Variants in CYP2C18 observed in about 807,000 individuals in gnomAD.
CYP2C18 encodes the protein cytochrome P450 2C18.
Under a neutral mutation model 41.3 loss-of-function variants are expected in CYP2C18, and 38 were observed. The observed-to-expected ratio is 0.92, with a 90% confidence interval of 0.71 to 1.21. CYP2C18 has a LOEUF of 1.21. Ranked by LOEUF, CYP2C18 falls within the 50% of genes most tolerant of loss-of-function variation. The probability of loss-of-function intolerance (pLI) is 0.00; values close to 1 mark genes in which losing one functional copy is unlikely to be tolerated. For synonymous variants in CYP2C18, 236 were observed against 210.0 expected, an observed-to-expected ratio of 1.12 and a Z score of -1.07; for missense variants, 635 against 591.4, an observed-to-expected ratio of 1.07 and a Z score of -0.77.
intron 7 of CYP2C18, chr10:94,728,759 G>C (rs558093556): frequency 6.0e-4 from 126 of 209,426 alleles, no homozygotes; most frequent in Admixed American, 1.6e-3. Flanking sequence ...TTTAACAAAA[G>C]TTTTATTGGA....
intron 4 of CYP2C18, among the ~76,000 whole-genome samples, chr10:94,698,851 C>A: frequency 6.6e-6 from 1 of 152,154 alleles, no homozygotes; most frequent in Non-Finnish European, 1.5e-5. Context: ...CTACAAACAC[C>A]TCTATGCAAA....
intron 5 of CYP2C18, among the ~76,000 whole-genome samples, chr10:94,708,196 C>T (rs543608862): frequency 1.3e-5 from 2 of 152,184 alleles, no homozygotes; most frequent in African/African-American, 2.4e-5. Context: ...CAGGACTGCT[C>T]GAATAATGTG....
chr10:94,725,681 A>G (rs1285319003), intron 7 of CYP2C18, among the ~76,000 whole-genome samples: 1 of 152,108 alleles, frequency 6.6e-6, no homozygotes, highest in Non-Finnish European at 1.5e-5. Context: ...TGTGTATACA[A>G]TTTGATCAAA....
intron 4 of CYP2C18, among the ~76,000 whole-genome samples, chr10:94,697,365 A>T (rs1367157838): frequency 6.6e-6 from 1 of 152,124 alleles, no homozygotes; most frequent in African/African-American, 2.4e-5. Flanking sequence ...CCAGAATTTC[A>T]TATCCAGCCA....
At chr10:94,714,852 A>G (rs1847510761) in intron 5 of CYP2C18, among the ~76,000 whole-genome samples, 1 of 151,922 alleles carries the variant, frequency 6.6e-6, no homozygotes, top group South Asian at 2.1e-4. Context: ...CTTTTATTTC[A>G]TTGAGCAGTG....
chr10:94,689,398 G>T (rs887623058), intron 3 of CYP2C18, among the ~76,000 whole-genome samples: 18 of 151,896 alleles, frequency 1.2e-4, no homozygotes, highest in Non-Finnish European at 2.4e-4. Flanking sequence ...GGGATTTTGT[G>T]GTCCTAGAAG....
chr10:94,730,437 T>A (rs542634092), intron 7 of CYP2C18, among the ~76,000 whole-genome samples: 17 of 152,204 alleles, frequency 1.1e-4, no homozygotes, highest in Non-Finnish European at 1.6e-4. Context: ...GGGTGGTTTT[T>A]CTGTTTGATA....
Position 94,733,315 on chromosome 10 carries a change from T to C in CYP2C18, c.1168T>C (p.Ser390Pro), listed in dbSNP as rs371155124. The C allele has an allele frequency of 6.2e-6, 10 of 1,612,956 alleles. No homozygotes were observed. Among genetic ancestry groups the C allele is most frequent in the Non-Finnish European group, 8.5e-6 (10 of 1,179,360 alleles). The change falls in exon 8 of 9, where the codon TCC (serine) becomes CCC (proline). Residue 390 changes from serine (S) to proline (P), a missense_variant. Ser to Pro is a moderately conservative substitution (Grantham distance 74). Coordinates refer to ENST00000285979, the MANE Select transcript of CYP2C18 (RefSeq NM_000772.3). ...LIPKGTTIIT[S>P]LTSVLHNDKE... ...TTTTCAGGGCACGACCATAATAACATCCCTGACTTCTGTGCTGCACAATGA... is the reference window on the plus strand; with the variant it reads ...TTTTCAGGGCACGACCATAATAACACCCCTGACTTCTGTGCTGCACAATGA...
chr10:94,726,404 T>C (rs1311613239), intron 7 of CYP2C18, among the ~76,000 whole-genome samples: 1 of 152,062 alleles, frequency 6.6e-6, no homozygotes, highest in African/African-American at 2.4e-5. Flanking sequence ...TGTGTCCTTA[T>C]TGTTCAACTC....
intron 5 of CYP2C18, among the ~76,000 whole-genome samples, chr10:94,712,867 A>G (rs1378450223): frequency 6.6e-6 from 1 of 152,124 alleles, no homozygotes; most frequent in Non-Finnish European, 1.5e-5. Flanking sequence ...TCTCTCTTTG[A>G]TAATAGCCAT....
chr10:94,715,545 G>A (rs1014207484), intron 5 of CYP2C18, among the ~76,000 whole-genome samples: 3 of 152,150 alleles, frequency 2.0e-5, no homozygotes, highest in South Asian at 2.1e-4. Flanking sequence ...CTTGATCATG[G>A]TAGATAAGCT....
At chr10:94,691,113 A>G (rs1846990024) in intron 3 of CYP2C18, among the ~76,000 whole-genome samples, 1 of 152,206 alleles carries the variant, frequency 6.6e-6, no homozygotes, top group East Asian at 1.9e-4. Flanking sequence ...AAACTGGCAC[A>G]AGACAAGGAT....
Position 94,720,395 on chromosome 10 carries a change from G to A in CYP2C18, c.820-1G>A. 6.3e-7 allele frequency: 1 copy of A among 1,591,548 alleles called. No individual in the cohort carries two copies. Among genetic ancestry groups the A allele is most frequent in the South Asian group, 1.2e-5 (1 of 86,174 alleles). ...AATTAAATTATGAAATAATTTTTTA[G>A]GAAAAGCACAATCAACAGTCTGAAT... On this transcript the variant is annotated splice_acceptor_variant, in intron 5 of 8. Transcript: ENST00000285979. LOFTEE classifies it high-confidence loss of function.
rs1376518003 is a variant in CYP2C18 at position 94,720,442 on chromosome 10, C to T, written c.866C>T (p.Ala289Val). Residue 289 changes from alanine (A) to valine (V), a missense_variant, in exon 6 of 9, where the codon GCC (alanine) becomes GTC (valine). Coordinates refer to ENST00000285979, the MANE Select transcript of CYP2C18 (RefSeq NM_000772.3). ...GAATTTACTGTTGAAAGCTTGATAG[C>T]CACTGTAACTGATATGTTTGGGGCT... ...QSEFTVESLIATVTDMFGAGT... is the reference protein window; with the variant it reads ...QSEFTVESLIVTVTDMFGAGT... The T allele has an allele frequency of 6.2e-7, 1 of 1,612,622 alleles. No individual in the cohort carries two copies.
At position 94,723,867 on chromosome 10, in the gene CYP2C18, C is replaced by T. The variant is rs138734216; in HGVS notation, c.962-479C>T. Among the ~76,000 whole-genome samples the T allele has an allele frequency of 4.3e-3, 657 of 152,238 alleles. 1 individual carries two copies. Among genetic ancestry groups the T allele is most frequent in the Non-Finnish European group, 7.3e-3 (499 of 68,002 alleles). ...CTTCTAGAATGTTTCAACATAGTCA[C>T]CTTTGTGGAGTGTGAGGATGAGAGA... On this transcript the variant is annotated intron_variant, in intron 6 of 8. Transcript: ENST00000285979.
intron 7 of CYP2C18, among the ~76,000 whole-genome samples, chr10:94,732,874 A>G (rs901904384): frequency 2.0e-5 from 3 of 152,064 alleles, no homozygotes; most frequent in Admixed American, 2.0e-4. Context: ...GGGTGATGGA[A>G]TTATTTGTAC....
intron 3 of CYP2C18, among the ~76,000 whole-genome samples, chr10:94,689,007 C>T (rs1399716199): frequency 6.6e-6 from 1 of 152,108 alleles, no homozygotes; most frequent in African/African-American, 2.4e-5. Context: ...TCTGTGTCTA[C>T]AATTTCTACC....
chr10:94,706,738 C>T (rs754652194), intron 4 of CYP2C18, 46 bp from the exon 5 acceptor site: 3 of 1,114,138 alleles, frequency 2.7e-6, no homozygotes, highest in Non-Finnish European at 3.8e-6. Flanking sequence ...TGGCATATGT[C>T]TTCAATACAT....
chr10:94,702,873 C>T (rs1380772311), intron 4 of CYP2C18, among the ~76,000 whole-genome samples: 1 of 152,154 alleles, frequency 6.6e-6, no homozygotes, highest in Non-Finnish European at 1.5e-5. Flanking sequence ...ATGGATTTAT[C>T]TACCTTTGGT....
Sources: allele counts gnomAD v4.1 joint callset (sites outside exome capture counted in the v4.1 genomes callset), GRCh38; gene constraint gnomAD v4.1.1; transcripts MANE v1.5; gene names NCBI Gene and HGNC (gene_info 2026-07-23, HGNC 2026-07-21).